The following GOLGA7 variants were observed in gnomAD, a reference collection of about 807,000 sequenced individuals.
GOLGA7 encodes the protein golgin A7, also known as golgin subfamily A member 7.
Under a neutral mutation model 21.1 loss-of-function variants are expected in GOLGA7, and 10 were observed. The ratio of observed to expected loss-of-function variants is 0.47; its 90% CI spans 0.29 to 0.80. The LOEUF is 0.80. Among genes scored for constraint, GOLGA7 ranks in the 30% least tolerant of loss-of-function variants. The pLI is 0.08. For missense variants in GOLGA7, 114 were observed against 166.8 expected, an observed-to-expected ratio of 0.68 and a Z score of 1.74; for synonymous variants, 64 against 62.6, an observed-to-expected ratio of 1.02 and a Z score of -0.10.
chr8:41,494,616 A>G (rs561648305), intron 1 of GOLGA7, among the ~76,000 whole-genome samples: 2 of 152,352 alleles, frequency 1.3e-5, no homozygotes, highest in South Asian at 4.1e-4. Context: ...ACAGTTTCCC[A>G]GATGACCAGC....
chr8:41,507,918 C>T (rs1806327072), intron 4 of GOLGA7, among the ~76,000 whole-genome samples: 1 of 152,192 alleles, frequency 6.6e-6, no homozygotes. Flanking sequence ...TGTACCAAAG[C>T]AGACACATGT....
chr8:41,504,302 G>A (rs1051010060), intron 2 of GOLGA7, among the ~76,000 whole-genome samples: 1 of 152,162 alleles, frequency 6.6e-6, no homozygotes, highest in Non-Finnish European at 1.5e-5. Context: ...ATTTTTCTGA[G>A]TGTCTTCCCT....
In GOLGA7 at chr8:41,490,859, G is replaced by A; in HGVS notation, c.5G>A (p.Arg2Lys). M[R>K]PQQAPVSGKV... ...GCGGGGTGTCCTGTCCTCGCCATGA[G>A]GCCGCAGCAGGCGCCGGTGTCCGGA... Residue 2 changes from arginine to lysine, a missense_variant, in exon 1 of 5, where the codon AGG (arginine) becomes AAG (lysine). By Grantham distance (26) the Arg-to-Lys change is conservative. Coordinates refer to ENST00000357743, the MANE Select transcript of GOLGA7 (RefSeq NM_001002296.2). 1 of 1,585,962 alleles carries A rather than the reference G, an allele frequency of 6.3e-7. No individual in the cohort carries two copies. The highest frequency in any genetic ancestry group is 8.6e-7 in the Non-Finnish European group (1 of 1,164,082).
chr8:41,500,678 C>T (rs1229054535), intron 2 of GOLGA7, among the ~76,000 whole-genome samples: 1 of 152,220 alleles, frequency 6.6e-6, no homozygotes, highest in Admixed American at 6.5e-5. Context: ...GATCCTCTCA[C>T]CTCAGCCTCT....
rs1267488416 is a variant in GOLGA7, at chr8:41,497,654, A to T, written c.257A>T (p.Tyr86Phe). ...ATCTTCCTATGCATGGAAACTCATTATGAGAAGGTAATGCTACATTTGTTT... is the reference window on the plus strand; with the variant it reads ...ATCTTCCTATGCATGGAAACTCATTTTGAGAAGGTAATGCTACATTTGTTT... ...YTIFLCMETH[Y>F]EKVLKKVSKY... is the part of the protein sequence containing the mutation. Residue 86 changes from tyrosine to phenylalanine, a missense_variant, in exon 2 of 5, where the codon TAT (tyrosine) becomes TTT (phenylalanine). Physicochemically the swap from Tyr to Phe is conservative, Grantham distance 22. Coordinates refer to ENST00000357743, the MANE Select transcript of GOLGA7 (RefSeq NM_001002296.2). The T allele has an allele frequency of 6.6e-7, 1 of 1,525,980 alleles. No individual in the cohort carries two copies. Among genetic ancestry groups the T allele is most frequent in the Non-Finnish European group, 9.0e-7 (1 of 1,111,254 alleles). The allele number at this position is 1,525,980 out of a possible 1,614,324, so 94.5% of individuals were successfully genotyped here.
chr8:41,504,731 T>C (rs1806242202), intron 2 of GOLGA7, among the ~76,000 whole-genome samples: 1 of 152,250 alleles, frequency 6.6e-6, no homozygotes, highest in South Asian at 2.1e-4. Context: ...ATAAAGTGTT[T>C]AAATTACTTT....
intron 1 of GOLGA7, among the ~76,000 whole-genome samples, chr8:41,492,259 A>G (rs561604621): frequency 4.6e-4 from 70 of 152,366 alleles, no homozygotes; most frequent in Non-Finnish European, 8.1e-4. Context: ...AACTATCTAC[A>G]GTGGTTTGAA....
chr8:41,509,763 G>A lies in GOLGA7; in HGVS notation c.*195G>A, dbSNP rs1173300387. 1.3e-5 allele frequency: 2 copies of A among 152,610 alleles called. No homozygotes were observed. Among genetic ancestry groups the A allele is most frequent in the Non-Finnish European group, 2.9e-5 (2 of 68,046 alleles). 9.5% of individuals were successfully genotyped at this position (152,610 alleles called of 1,614,324 possible). A position where few individuals can be genotyped will look rare whatever the true frequency, so the allele number is the denominator to read the frequency against. ...CCTCTAGTCGCTCAGCATCCACTTTGTGTCTCCAAATTGTGTAGGACTCTG... is the reference window on the plus strand; with the variant it reads ...CCTCTAGTCGCTCAGCATCCACTTTATGTCTCCAAATTGTGTAGGACTCTG... On this transcript the variant is annotated 3_prime_UTR_variant, in exon 5 of 5. Transcript: ENST00000357743.
intron 4 of GOLGA7, among the ~76,000 whole-genome samples, chr8:41,507,607 C>T (rs1806317236): frequency 6.6e-6 from 1 of 152,132 alleles, no homozygotes; most frequent in African/African-American, 2.4e-5. Flanking sequence ...GAAACCTTAC[C>T]TACTGAGTAG....
chr8:41,497,045 C>T (rs1265604634), intron 1 of GOLGA7, among the ~76,000 whole-genome samples: 2 of 151,648 alleles, frequency 1.3e-5, no homozygotes, highest in Non-Finnish European at 2.9e-5. Context: ...CTCCTGACCT[C>T]GTGATCCGCC....
chr8:41,492,547 C>T (rs773287693), intron 1 of GOLGA7, among the ~76,000 whole-genome samples: 3 of 152,050 alleles, frequency 2.0e-5, no homozygotes, highest in African/African-American at 4.8e-5. Flanking sequence ...CTGTAATCCC[C>T]GCTACTCAGG....
At chr8:41,491,675 TAAA>T (rs11321591) in intron 1 of GOLGA7, among the ~76,000 whole-genome samples, 11 of 148,630 alleles carry the variant, frequency 7.4e-5, no homozygotes, top group African/African-American at 1.7e-4. Flanking sequence ...AGCAAAACTT[TAAA>T]AAAAAAAAAA....
rs1419240280 is a variant in GOLGA7, at chr8:41,509,915, T to C, written c.*347T>C. 1 of 152,648 alleles carries C rather than the reference T, an allele frequency of 6.6e-6. No individual in the cohort carries two copies. Among genetic ancestry groups the C allele is most frequent in the East Asian group, 1.9e-4 (1 of 5,200 alleles). 9.5% of individuals were successfully genotyped at this position (152,648 alleles called of 1,614,324 possible). A position where few individuals can be genotyped will look rare whatever the true frequency, so the allele number is the denominator to read the frequency against. On this transcript the variant is annotated 3_prime_UTR_variant, in exon 5 of 5. Transcript: ENST00000357743. ...TGTTATCTGCCACCAGTACATACCATTGGTTCTCTTCATTCCTTGGGCCAG... is the reference window on the plus strand; with the variant it reads ...TGTTATCTGCCACCAGTACATACCACTGGTTCTCTTCATTCCTTGGGCCAG...
intron 2 of GOLGA7, among the ~76,000 whole-genome samples, chr8:41,500,050 CAG>C (rs1484798921): frequency 2.6e-5 from 4 of 152,328 alleles, no homozygotes; most frequent in African/African-American, 7.2e-5. Context: ...AGTGAAGGCT[CAG>C]GGGATTTGTT....
chr8:41,497,409 CAACTAAGAATGGTGAGAAAACAAGAT>C, intron 1 of GOLGA7, 74 bp from the exon 2 acceptor site: 1 of 676,484 alleles, frequency 1.5e-6, no homozygotes, highest in Non-Finnish European at 2.4e-6. Context: ...AAAAAATTGT[CAACTAAGAATGGTGAGAAAACAAGAT>C]AAATTAATGA....
chr8:41,492,681 A>G (rs776499042), intron 1 of GOLGA7, among the ~76,000 whole-genome samples: 4 of 152,238 alleles, frequency 2.6e-5, no homozygotes, highest in Non-Finnish European at 5.9e-5. Flanking sequence ...AATCAAATAA[A>G]AAGATATACA....
intron 1 of GOLGA7, among the ~76,000 whole-genome samples, chr8:41,493,704 G>A (rs1410554993): frequency 1.3e-5 from 2 of 152,112 alleles, no homozygotes; most frequent in Non-Finnish European, 2.9e-5. Context: ...CGTGATCACT[G>A]CATGCTTCAC....
intron 2 of GOLGA7, among the ~76,000 whole-genome samples, chr8:41,498,804 C>G (rs545929562): frequency 7.2e-5 from 11 of 152,298 alleles, no homozygotes; most frequent in Admixed American, 5.9e-4. Context: ...TGCCTAACAC[C>G]ATGCTTTGGG....
chr8:41,500,836 T>C (rs1354998513), intron 2 of GOLGA7, among the ~76,000 whole-genome samples: 1 of 152,106 alleles, frequency 6.6e-6, no homozygotes, highest in Non-Finnish European at 1.5e-5. Flanking sequence ...AAGAGTGAGA[T>C]AGCCTGGATT....
Sources: allele counts gnomAD v4.1 joint callset (sites outside exome capture counted in the v4.1 genomes callset), GRCh38; gene constraint gnomAD v4.1.1; transcripts MANE v1.5; gene names NCBI Gene and HGNC (gene_info 2026-07-23, HGNC 2026-07-21).